FGFR1OP2: variants seen among roughly 807,000 people sequenced by gnomAD.
FGFR1OP2 encodes the protein FGFR1 oncogene partner 2, also known as fibroblast growth factor receptor 1 oncogene partner 2.
Under a neutral mutation model 35.2 loss-of-function variants are expected in FGFR1OP2, and 17 were observed. The ratio of observed to expected loss-of-function variants is 0.48; its 90% confidence interval spans 0.33 to 0.73. The LOEUF (loss-of-function observed/expected upper bound fraction) is 0.73. Among genes scored for constraint, FGFR1OP2 ranks in the 30% least tolerant of loss-of-function variants. The probability of loss-of-function intolerance (pLI) is 0.02; values close to 1 mark genes in which losing one functional copy is unlikely to be tolerated. For synonymous variants in FGFR1OP2, 105 were observed against 104.6 expected, an observed-to-expected ratio of 1.00 and a Z score of -0.03; for missense variants, 251 against 307.3, an observed-to-expected ratio of 0.82 and a Z score of 1.37.
intron 5 of FGFR1OP2, 85 bp downstream of exon 5, chr12:26,960,713 C>A: frequency 6.8e-7 from 1 of 1,472,952 alleles, no homozygotes; most frequent in Admixed American, 2.2e-5. Context: ...ATTTCCCTCC[C>A]AGATTAGATC....
At position 26,960,504 on chromosome 12, in the gene FGFR1OP2, C is replaced by G. The variant is rs765226234; in HGVS notation, c.397-11C>G. ...TATCCGTATTAACATTATAATGACTCTATACTACAGATTGACATGGTACAT... is the reference window on the plus strand; with the variant it reads ...TATCCGTATTAACATTATAATGACTGTATACTACAGATTGACATGGTACAT... On this transcript the variant is annotated splice_polypyrimidine_tract_variant and intron_variant, in intron 4 of 6. Transcript: ENST00000229395. The G allele has an allele frequency of 1.3e-6, 2 of 1,593,558 alleles. No individual in the cohort carries two copies. The highest frequency in any genetic ancestry group is 1.7e-5 in the Admixed American group (1 of 59,836).
chr12:26,950,210 G>GTTGTTTTTTTTTT (rs1565848388), intron 1 of FGFR1OP2, among the ~76,000 whole-genome samples: 1 of 29,744 alleles, frequency 3.4e-5, no homozygotes, highest in African/African-American at 1.8e-4. Context: ...TAATGTATTC[G>GTTGTTTTTTTTTT]TTGTTTTTTT....
At chr12:26,960,368 C>T in intron 4 of FGFR1OP2, 147 bp from the exon 5 acceptor site, 1 of 452,228 alleles carries the variant, frequency 2.2e-6, no homozygotes, top group Non-Finnish European at 3.8e-6. Flanking sequence ...TACTAATTTT[C>T]ATGTTATTTT....
chr12:26,942,708 G>A (rs1014261694), intron 1 of FGFR1OP2, among the ~76,000 whole-genome samples: 3 of 152,156 alleles, frequency 2.0e-5, no homozygotes, highest in African/African-American at 4.8e-5. Context: ...TTCTCTAATG[G>A]CTAATGATGT....
In FGFR1OP2 at chr12:26,963,386, A is replaced by G; in HGVS notation, c.555A>G (p.Val185=). The G allele has an allele frequency of 6.2e-7, 1 of 1,609,956 alleles. No homozygotes were observed. Among genetic ancestry groups the G allele is most frequent in the South Asian group, 1.1e-5 (1 of 90,642 alleles). The change falls in exon 6 of 7, where the codon GTA becomes GTG. Residue 185 remains valine (V), a synonymous_variant. Coordinates refer to ENST00000229395, the MANE Select transcript of FGFR1OP2 (RefSeq NM_015633.3). Reference sequence around the variant, plus strand: ...ACCAGATAACTGAAATGGCAGCAGTAATGAGGAAAGCCATTGAAATTGACG... The same window carrying G: ...ACCAGATAACTGAAATGGCAGCAGTGATGAGGAAAGCCATTGAAATTGACG... ...HVDQITEMAA[V]MRKAIEIDEQ...
chr12:26,956,516 A>T, intron 2 of FGFR1OP2, 27 bp from the exon 3 acceptor site: 1 of 968,146 alleles, frequency 1.0e-6, no homozygotes, highest in East Asian at 3.1e-5. Flanking sequence ...AGGTATTTTC[A>T]TCCCACATGT....
chr12:26,959,582 A>G (rs1939073130), intron 4 of FGFR1OP2, among the ~76,000 whole-genome samples: 1 of 152,170 alleles, frequency 6.6e-6, no homozygotes, highest in South Asian at 2.1e-4. Flanking sequence ...AATATATTAG[A>G]TTTTACTATT....
At chr12:26,955,409 G>A (rs1399672168) in intron 2 of FGFR1OP2, among the ~76,000 whole-genome samples, 1 of 152,188 alleles carries the variant, frequency 6.6e-6, no homozygotes, top group Admixed American at 6.5e-5. Flanking sequence ...TGCAGGTTAT[G>A]CAGTATAACC....
chr12:26,953,397 C>CAGTTGAAG (rs1938968502), intron 1 of FGFR1OP2, among the ~76,000 whole-genome samples: 1 of 151,738 alleles, frequency 6.6e-6, no homozygotes, highest in East Asian at 1.9e-4. Flanking sequence ...TTCTACATAC[C>CAGTTGAAG]AGTTGAAGAA....
chr12:26,951,113 G>A (rs1938921336), intron 1 of FGFR1OP2, among the ~76,000 whole-genome samples: 1 of 152,088 alleles, frequency 6.6e-6, no homozygotes, highest in East Asian at 1.9e-4. Context: ...CGGAGGCAGG[G>A]AAGCTAAACC....
chr12:26,964,967 C>T lies in FGFR1OP2; in HGVS notation c.*234C>T, dbSNP rs1665350032. 2.5e-6 allele frequency: 1 copy of T among 403,826 alleles called. No individual in the cohort carries two copies. Among genetic ancestry groups the T allele is most frequent in the Non-Finnish European group, 4.4e-6 (1 of 224,866 alleles). The allele number at this position is 403,826 out of a possible 1,614,324, so 25.0% of individuals were successfully genotyped here. ...ATGGTAAAGAAATGAAAAGTTTTCA[C>T]AGTGACTACTGAATATACCAAGAGC... On this transcript the variant is annotated 3_prime_UTR_variant, in exon 7 of 7. Transcript: ENST00000229395.
chr12:26,957,133 T>A (rs1939034272), intron 3 of FGFR1OP2, among the ~76,000 whole-genome samples: 1 of 152,180 alleles, frequency 6.6e-6, no homozygotes, highest in South Asian at 2.1e-4. Context: ...CCAACACCAA[T>A]CACTTCCTAA....
chr12:26,961,330 A>G (rs1000539427), intron 5 of FGFR1OP2: 1 of 152,224 alleles, frequency 6.6e-6, no homozygotes, highest in African/African-American at 2.4e-5. Flanking sequence ...GTGAACCATT[A>G]CCATGACCTT....
chr12:26,946,921 G>A lies in FGFR1OP2; in HGVS notation c.-14-7224G>A, dbSNP rs533779097. 5.3e-5 allele frequency among the ~76,000 whole-genome samples: 8 copies of A among 152,034 alleles called. No individual in the cohort carries two copies. The South Asian group carries it at 8.3e-4, about 16-fold the overall frequency. On this transcript the variant is annotated intron_variant, in intron 1 of 6. Transcript: ENST00000229395. ...CTCTTTTGGACACTATATAAATGGCGTGATACATTGTCTTTGTGACTGACT... is the reference window on the plus strand; with the variant it reads ...CTCTTTTGGACACTATATAAATGGCATGATACATTGTCTTTGTGACTGACT...
rs949825175 is a variant in FGFR1OP2 at position 26,950,989 on chromosome 12, T to G, written c.-14-3156T>G. Among the ~76,000 whole-genome samples the G allele has an allele frequency of 3.9e-5, 6 of 152,270 alleles. No homozygotes were observed. The Middle Eastern group carries it at 0.014, about 345-fold the overall frequency. On this transcript the variant is annotated intron_variant, in intron 1 of 6. Transcript: ENST00000229395. ...CATGATTACTCAAATGATAGAAATT[T>G]TGGATGGTTTCCTTTAGCAATAGGG...
intron 6 of FGFR1OP2, 35 bp from the exon 7 acceptor site, chr12:26,964,561 T>C (rs773230185): frequency 8.1e-6 from 13 of 1,602,900 alleles, no homozygotes; most frequent in Admixed American, 1.7e-5. Flanking sequence ...ACCTTGTAGA[T>C]AGTGACTGCA....
Position 26,957,682 on chromosome 12 carries a change from T to A in FGFR1OP2, c.335T>A (p.Leu112Gln). 6.2e-7 allele frequency: 1 copy of A among 1,613,794 alleles called. No individual in the cohort carries two copies. Among genetic ancestry groups the A allele is most frequent in the Non-Finnish European group, 8.5e-7 (1 of 1,179,842 alleles). The change falls in exon 4 of 7, where the codon CTA (leucine) becomes CAA (glutamine). Residue 112 changes from leucine (L) to glutamine (Q), a missense_variant. By Grantham distance (113) the Leu-to-Gln change is moderately radical. Coordinates refer to ENST00000229395, the MANE Select transcript of FGFR1OP2 (RefSeq NM_015633.3). ...SKYREQMFRL[L>Q]MASKKDDPGI... ...TACCGAGAACAAATGTTTAGATTGC[T>A]AATGGCTAGCAAAAAAGATGATCCG... is the stretch of plus-strand genomic sequence containing the variant.
Position 26,964,916 on chromosome 12 carries a change from G to A in FGFR1OP2, c.*183G>A. 1 of 541,648 alleles carries A rather than the reference G, an allele frequency of 1.8e-6. No homozygotes were observed. The highest frequency in any genetic ancestry group is 3.0e-6 in the Non-Finnish European group (1 of 333,018). 33.6% of individuals were successfully genotyped at this position (541,648 alleles called of 1,614,324 possible). On this transcript the variant is annotated 3_prime_UTR_variant, in exon 7 of 7. Coordinates refer to ENST00000229395, the MANE Select transcript of FGFR1OP2 (RefSeq NM_015633.3). Reference sequence around the variant, plus strand: ...TAGACTTTATTCCAAAACATAATTGGAAAATAGAAACTGAGCCATTGCCAA... The same window carrying A: ...TAGACTTTATTCCAAAACATAATTGAAAAATAGAAACTGAGCCATTGCCAA...
intron 4 of FGFR1OP2, among the ~76,000 whole-genome samples, chr12:26,960,064 G>A (rs1483872960): frequency 6.6e-6 from 1 of 152,020 alleles, no homozygotes; most frequent in African/African-American, 2.4e-5. Flanking sequence ...TTATGGGCAG[G>A]TAGGTAAACA....
Sources: allele counts gnomAD v4.1 joint callset (sites outside exome capture counted in the v4.1 genomes callset), GRCh38; gene constraint gnomAD v4.1.1; transcripts MANE v1.5; gene names NCBI Gene and HGNC (gene_info 2026-07-23, HGNC 2026-07-21).